The following COL4A2 variants were observed in gnomAD, a reference collection of about 807,000 sequenced individuals.
COL4A2 encodes collagen type IV alpha 2 chain.
COL4A2 carries 99 observed loss-of-function variants against 200.2 expected under a neutral mutation model. That is an observed-to-expected ratio of 0.49 (90% CI 0.42 to 0.58). The LOEUF (loss-of-function observed/expected upper bound fraction) is 0.58, where lower values mean the gene tolerates loss of function less well. Ranked by LOEUF, COL4A2 falls within the 20% of genes least tolerant of loss-of-function variation. COL4A2 has a pLI of 0.00. For synonymous variants in COL4A2, 897 were observed against 900.6 expected, an observed-to-expected ratio of 1.00 and a Z score of 0.07; for missense variants, 1,950 against 2,314.1, an observed-to-expected ratio of 0.84 and a Z score of 3.23.
chr13:110,465,694 A>G (rs1882213304), intron 25 of COL4A2, 88 bp downstream of exon 25: 1 of 1,215,042 alleles, frequency 8.2e-7, no homozygotes, highest in Non-Finnish European at 1.1e-6. Flanking sequence ...CAGTAGAGTC[A>G]GATGAGGATG....
intron 3 of COL4A2, among the ~76,000 whole-genome samples, chr13:110,327,341 A>G (rs1441376875): frequency 2.0e-5 from 3 of 152,178 alleles, no homozygotes; most frequent in African/African-American, 4.8e-5. Flanking sequence ...CTCAGCACAC[A>G]CAATCACCCA....
intron 28 of COL4A2, among the ~76,000 whole-genome samples, chr13:110,471,081 GCCA>G (rs895495350): frequency 2.6e-5 from 4 of 152,166 alleles, no homozygotes; most frequent in African/African-American, 9.7e-5. Context: ...GTGTAACATT[GCCA>G]CTCTCATGAT....
At chr13:110,420,422 G>C (rs533347678) in intron 4 of COL4A2, among the ~76,000 whole-genome samples, 2 of 152,150 alleles carry the variant, frequency 1.3e-5, no homozygotes, top group Non-Finnish European at 2.9e-5. Context: ...GGAGCAGGGC[G>C]GGGGGCAGGG....
intron 47 of COL4A2, among the ~76,000 whole-genome samples, chr13:110,509,152 G>A (rs1004985111): frequency 2.0e-5 from 3 of 151,386 alleles, no homozygotes; most frequent in Non-Finnish European, 4.4e-5. Flanking sequence ...ACTGAGGACA[G>A]TGGGTCTTCC....
chr13:110,512,369 C>T lies in COL4A2; in HGVS notation c.*178C>T, dbSNP rs192542794. The T allele has an allele frequency of 1.4e-5, 16 of 1,116,492 alleles. No individual in the cohort carries two copies. The Admixed American group carries it at 3.5e-4, about 24-fold the overall frequency. 69.2% of individuals were successfully genotyped at this position (1,116,492 alleles called of 1,614,324 possible). ...CTGTCACCGAGCGGGTGCAAGCACT[C>T]GGGGTCCCTGGAGGGCAAGCCCTGC... On this transcript the variant is annotated 3_prime_UTR_variant, in exon 48 of 48. Transcript: ENST00000360467.
intron 4 of COL4A2, among the ~76,000 whole-genome samples, chr13:110,393,223 T>C (rs1267082062): frequency 6.6e-6 from 1 of 152,196 alleles, no homozygotes; most frequent in African/African-American, 2.4e-5. Flanking sequence ...CTCTTTCTTT[T>C]CTCTAACAAG....
rs774750237 is a variant in COL4A2, at chr13:110,493,218, G to A, written c.3570G>A (p.Pro1190=). Residue 1190 remains proline, a synonymous_variant, in exon 39 of 48, where the codon CCG becomes CCA. Coordinates refer to ENST00000360467, the MANE Select transcript of COL4A2 (RefSeq NM_001846.4). The part of the protein sequence containing the change: ...WPGAPGLPGF[P]GLRGIRGLHG... ...TGAGTGACACCCCCGCAGGTTTTCC[G>A]GGACTCCGTGGGATCCGCGGCTTAC... 4.6e-5 allele frequency: 74 copies of A among 1,614,076 alleles called. No homozygotes were observed. In the Middle Eastern group the frequency reaches 5.0e-4, roughly 11 times the overall value.
At chr13:110,390,114 G>C (rs1878931403) in intron 4 of COL4A2, among the ~76,000 whole-genome samples, 1 of 152,194 alleles carries the variant, frequency 6.6e-6, no homozygotes, top group South Asian at 2.1e-4. Flanking sequence ...AGCCTGCTCT[G>C]GGTGCCAGCT....
chr13:110,310,318 G>A (rs189674312), intron 3 of COL4A2, among the ~76,000 whole-genome samples: 211 of 152,282 alleles, frequency 1.4e-3, no homozygotes, highest in African/African-American at 4.9e-3. Flanking sequence ...AGACCTTCAG[G>A]TCAGACATTC....
At chr13:110,337,811 A>G (rs1023513311) in intron 3 of COL4A2, among the ~76,000 whole-genome samples, 3 of 152,228 alleles carry the variant, frequency 2.0e-5, no homozygotes, top group Admixed American at 2.0e-4. Context: ...CAGCTTTGGG[A>G]AAAGCACTTT....
chr13:110,457,757 A>G, intron 21 of COL4A2: 4 of 504,402 alleles, frequency 7.9e-6, no homozygotes, highest in South Asian at 6.2e-5. Flanking sequence ...CTTAGGCTGC[A>G]CTCAGGTAGT....
intron 4 of COL4A2, among the ~76,000 whole-genome samples, chr13:110,401,423 T>A (rs1879365629): frequency 6.6e-6 from 1 of 152,240 alleles, no homozygotes; most frequent in South Asian, 2.1e-4. Context: ...AAAACCTAAT[T>A]AAGTGGGTTT....
chr13:110,473,065 G>A lies in COL4A2; in HGVS notation c.2340G>A (p.Gln780=), dbSNP rs1195223981. 9.1e-6 allele frequency: 14 copies of A among 1,536,022 alleles called. No homozygotes were observed. Among genetic ancestry groups the A allele is most frequent in the Non-Finnish European group, 1.1e-5 (12 of 1,141,158 alleles). The change falls in exon 29 of 48, where the codon CAG becomes CAA. Residue 780 remains glutamine (Q), a synonymous_variant. Transcript: ENST00000360467. ...RGLPGEVLGA[Q]PGPRGDAGVP... is the part of the protein sequence containing the mutation. ...TCCCTGGAGAAGTCCTGGGAGCTCA[G>A]CCCGGGCCACGGGGAGATGCTGGTG...
chr13:110,449,539 A>G, intron 18 of COL4A2, 140 bp from the exon 19 acceptor site: 2 of 724,702 alleles, frequency 2.8e-6, no homozygotes. Flanking sequence ...CACCCCATGT[A>G]TTAATCATCT....
Position 110,432,347 on chromosome 13 carries a change from C to G in COL4A2, c.671C>G (p.Pro224Arg). 1 of 1,607,846 alleles carries G rather than the reference C, an allele frequency of 6.2e-7. No individual in the cohort carries two copies. Among genetic ancestry groups the G allele is most frequent in the Non-Finnish European group, 8.5e-7 (1 of 1,177,456 alleles). The change falls in exon 11 of 48, where the codon CCA (proline) becomes CGA (arginine). Residue 224 changes from proline (P) to arginine (R), a missense_variant. Transcript: ENST00000360467. ...CAGGGACCACCTGGACCCCCTGGAC[C>G]AAAAGGACAGCAAGTAAGTTGGTTT... Reference protein sequence around the residue: ...GRPGPPGPPGPKGQQGNRGLG... With the variant: ...GRPGPPGPPGRKGQQGNRGLG...
At chr13:110,434,228 A>G (rs1050045431) in intron 11 of COL4A2, among the ~76,000 whole-genome samples, 173 bp from the exon 12 acceptor site, 1 of 152,242 alleles carries the variant, frequency 6.6e-6, no homozygotes, top group Non-Finnish European at 1.5e-5. Flanking sequence ...GTCAACTGAC[A>G]TGACAAACTG....
chr13:110,380,893 A>G (rs74127428), intron 4 of COL4A2, among the ~76,000 whole-genome samples: 3,349 of 144,552 alleles, frequency 0.023, 125 homozygotes, highest in African/African-American at 0.079. Flanking sequence ...CACGAGCTCT[A>G]TGTCACACCC....
intron 3 of COL4A2, among the ~76,000 whole-genome samples, chr13:110,348,704 T>A (rs1876820453): frequency 6.6e-6 from 1 of 152,166 alleles, no homozygotes; most frequent in Admixed American, 6.5e-5. Flanking sequence ...TTCAAAAGGA[T>A]GATAACTTTT....
At chr13:110,433,083 C>A (rs1007202851) in intron 11 of COL4A2, among the ~76,000 whole-genome samples, 1 of 152,220 alleles carries the variant, frequency 6.6e-6, no homozygotes, top group African/African-American at 2.4e-5. Context: ...GCCCTGTGTC[C>A]CGATGGAGGA....
Sources: allele counts gnomAD v4.1 joint callset (sites outside exome capture counted in the v4.1 genomes callset), GRCh38; gene constraint gnomAD v4.1.1; transcripts MANE v1.5; gene names NCBI Gene and HGNC (gene_info 2026-07-23, HGNC 2026-07-21).